The following NCKAP5 variants were observed in gnomAD, a reference collection of about 807,000 sequenced individuals.
NCKAP5 encodes the protein nck-associated protein 5.
A neutral mutation model predicts 167.0 loss-of-function variants in NCKAP5; 92 were observed. The ratio of observed to expected loss-of-function variants is 0.55; its 90% CI spans 0.47 to 0.66. NCKAP5 has a LOEUF of 0.66. Ranked by LOEUF, NCKAP5 falls within the 30% of genes least tolerant of loss-of-function variation. The pLI, the probability that NCKAP5 is intolerant of heterozygous loss-of-function variation, is 0.00. For missense variants in NCKAP5, 2,378 were observed against 2,315.0 expected, an observed-to-expected ratio of 1.03 and a Z score of -0.56; for synonymous variants, 891 against 877.4, an observed-to-expected ratio of 1.02 and a Z score of -0.27.
At chr2:132,825,364 C>T (rs566388413) in intron 11 of NCKAP5, among the ~76,000 whole-genome samples, 11 of 152,204 alleles carry the variant, frequency 7.2e-5, no homozygotes, top group South Asian at 4.2e-4. Context: ...GCCTTGTTAA[C>T]GATATAGTTC....
At chr2:132,871,225 A>T (rs1385656840) in intron 9 of NCKAP5, among the ~76,000 whole-genome samples, 5 of 152,222 alleles carry the variant, frequency 3.3e-5, no homozygotes, top group Non-Finnish European at 7.3e-5. Context: ...CATAATAGTG[A>T]AAGTCAGTTT....
chr2:132,738,421 C>T (rs115236679), intron 16 of NCKAP5, among the ~76,000 whole-genome samples: 37 of 152,240 alleles, frequency 2.4e-4, no homozygotes, highest in African/African-American at 8.7e-4. Flanking sequence ...ATTCTAGATG[C>T]CAAGTGGAAT....
At chr2:133,282,388 A>C (rs1226343968) in intron 4 of NCKAP5, among the ~76,000 whole-genome samples, 2 of 152,224 alleles carry the variant, frequency 1.3e-5, no homozygotes, top group African/African-American at 4.8e-5. Flanking sequence ...TCTTGAGAAA[A>C]GACCCATGAC....
At chr2:133,369,174 C>T (rs1344264686) in intron 3 of NCKAP5, among the ~76,000 whole-genome samples, 2 of 152,120 alleles carry the variant, frequency 1.3e-5, no homozygotes, top group African/African-American at 2.4e-5. Context: ...GAGGGAATCA[C>T]GGGTGGGACA....
At chr2:133,195,317 T>C (rs2085391065) in intron 5 of NCKAP5, among the ~76,000 whole-genome samples, 1 of 152,152 alleles carries the variant, frequency 6.6e-6, no homozygotes, top group African/African-American at 2.4e-5. Context: ...TGACACAGAT[T>C]TCCAAGAATT....
Position 132,850,403 on chromosome 2 carries a change from C to T in NCKAP5, c.807+10089G>A, listed in dbSNP as rs575242673. 1.4e-3 allele frequency among the ~76,000 whole-genome samples: 218 copies of T among 152,110 alleles called. 1 individual carries two copies. The highest frequency in any genetic ancestry group is 4.8e-3 in the African/African-American group (199 of 41,516). On this transcript the variant is annotated intron_variant, in intron 11 of 19. Coordinates refer to ENST00000409261, the MANE Select transcript of NCKAP5 (RefSeq NM_207363.3). ...TGACATTTGGAAGTGAGGGCCTAAGCGGGCAGTGGGTAATTTAAGGCAGGA... is the reference window on the plus strand; with the variant it reads ...TGACATTTGGAAGTGAGGGCCTAAGTGGGCAGTGGGTAATTTAAGGCAGGA...
Position 132,672,959 on chromosome 2 carries a change from C to A in NCKAP5, c.*330G>T, listed in dbSNP as rs1478848107. 3 of 140,630 alleles carry A rather than the reference C, an allele frequency of 2.1e-5. No individual in the cohort carries two copies. The highest frequency in any genetic ancestry group is 3.3e-5 in the Non-Finnish European group (3 of 89,894). The allele number at this position is 140,630 out of a possible 1,614,324, so 8.7% of individuals were successfully genotyped here. A position where few individuals can be genotyped will look rare whatever the true frequency, so the allele number is the denominator to read the frequency against. On this transcript the variant is annotated 3_prime_UTR_variant, in exon 20 of 20. Transcript: ENST00000409261. ...TGTTATCTCTATCAAGCGGTGCACC[C>A]CCCACCCCCCACCCATCATTTCTTA...
At chr2:133,162,910 G>T (rs1032089635) in intron 5 of NCKAP5, among the ~76,000 whole-genome samples, 1 of 152,134 alleles carries the variant, frequency 6.6e-6, no homozygotes, top group African/African-American at 2.4e-5. Context: ...GTGAGAAAAT[G>T]CATTATTGTG....
chr2:132,965,216 T>A (rs1287041817), intron 7 of NCKAP5, among the ~76,000 whole-genome samples: 1 of 152,204 alleles, frequency 6.6e-6, no homozygotes, highest in Non-Finnish European at 1.5e-5. Flanking sequence ...CAAGCATGTG[T>A]AACTGTATAC....
intron 3 of NCKAP5, among the ~76,000 whole-genome samples, chr2:133,458,118 CAG>C (rs1691971426): frequency 6.6e-6 from 1 of 152,132 alleles, no homozygotes; most frequent in Non-Finnish European, 1.5e-5. Flanking sequence ...GCTGAACAAA[CAG>C]AGTTAAAGAC....
intron 11 of NCKAP5, among the ~76,000 whole-genome samples, chr2:132,830,666 G>A (rs1229684335): frequency 6.6e-6 from 1 of 152,172 alleles, no homozygotes; most frequent in East Asian, 1.9e-4. Flanking sequence ...ATGCATAGCT[G>A]CTTTCTCTCA....
intron 5 of NCKAP5, among the ~76,000 whole-genome samples, chr2:133,134,041 G>A (rs909939768): frequency 6.6e-6 from 1 of 152,178 alleles, no homozygotes; most frequent in Non-Finnish European, 1.5e-5. Flanking sequence ...TAGGTTTGCC[G>A]ATTGCCTGAT....
the NCKAP5 span, among the ~76,000 whole-genome samples, chr2:133,641,528 C>G: frequency 6.6e-6 from 1 of 152,222 alleles, no homozygotes; most frequent in Non-Finnish European, 1.5e-5. Context: ...CAGAGTCAGG[C>G]ACCAACTATC....
intron 12 of NCKAP5, among the ~76,000 whole-genome samples, chr2:132,794,285 G>C (rs1469220178): frequency 8.5e-6 from 1 of 118,028 alleles, no homozygotes; most frequent in African/African-American, 3.0e-5. Context: ...GAGAGAGAGA[G>C]AGAGAGAGAG....
chr2:132,984,083 T>C (rs6761670), intron 7 of NCKAP5, among the ~76,000 whole-genome samples: 51,766 of 151,732 alleles, frequency 0.34, 10,860 homozygotes, highest in African/African-American at 0.59. Context: ...ATAGTGAGAC[T>C]CTCTCTCTCT....
In NCKAP5 at chr2:132,864,706, C is replaced by T. The variant is rs1690202974; in HGVS notation, c.688-4095G>A. On this transcript the variant is annotated intron_variant, in intron 10 of 19. Transcript: ENST00000409261. Reference sequence around the variant, plus strand: ...TTTTAAAATGCTGATTGCTTAGAAGCAGGACATACACTAACATGATCGCTG... The same window carrying T: ...TTTTAAAATGCTGATTGCTTAGAAGTAGGACATACACTAACATGATCGCTG... Among the ~76,000 whole-genome samples the T allele has an allele frequency of 2.0e-5, 3 of 152,140 alleles. No homozygotes were observed. The South Asian group carries it at 6.2e-4, about 32-fold the overall frequency.
At chr2:133,605,877 A>G in the NCKAP5 span, among the ~76,000 whole-genome samples, 1 of 152,178 alleles carries the variant, frequency 6.6e-6, no homozygotes, top group Non-Finnish European at 1.5e-5. Flanking sequence ...AATCAAGAGG[A>G]AAAGGGGGGC....
intron 19 of NCKAP5, among the ~76,000 whole-genome samples, chr2:132,725,046 G>C (rs1307425165): frequency 1.3e-5 from 2 of 152,188 alleles, no homozygotes; most frequent in African/African-American, 4.8e-5. Context: ...GCAGAGCCCA[G>C]ATCACATTTT....
intron 19 of NCKAP5, among the ~76,000 whole-genome samples, chr2:132,717,526 C>T (rs528355132): frequency 1.3e-5 from 2 of 152,204 alleles, no homozygotes; most frequent in African/African-American, 2.4e-5. Flanking sequence ...AAGTCCTTGG[C>T]CTTGAGAAGG....
Sources: gnomAD v4.1 joint callset for allele counts (sites outside exome capture counted in the v4.1 genomes callset) on GRCh38, gnomAD v4.1.1 for gene constraint, MANE v1.5 for transcripts, NCBI Gene and HGNC (gene_info 2026-07-23, HGNC 2026-07-21) for gene names.